The following SEC61A2 variants were observed in gnomAD, a reference collection of about 807,000 sequenced individuals.
The protein encoded by SEC61A2 is protein transport protein Sec61 subunit alpha isoform 2.
A neutral mutation model predicts 59.9 loss-of-function variants in SEC61A2; 28 were observed. That is an observed-to-expected ratio of 0.47 (90% CI 0.35 to 0.64). The LOEUF (loss-of-function observed/expected upper bound fraction) is 0.64, where lower values mean the gene tolerates loss of function less well. Ranked by LOEUF, SEC61A2 falls within the 30% of genes least tolerant of loss-of-function variation. The pLI is 0.01. For synonymous variants in SEC61A2, 202 were observed against 214.4 expected (o/e 0.94, Z 0.50); for missense variants, 340 against 585.9 (o/e 0.58, Z 4.33).
Position 12,164,788 on chromosome 10 carries a change from T to C in SEC61A2, c.*334T>C, listed in dbSNP as rs1834625852. 9.6e-7 allele frequency: 1 copy of C among 1,046,384 alleles called. No homozygotes were observed. Among genetic ancestry groups the C allele is most frequent in the Non-Finnish European group, 1.1e-6 (1 of 869,806 alleles). 64.8% of individuals were successfully genotyped at this position (1,046,384 alleles called of 1,614,324 possible). On this transcript the variant is annotated 3_prime_UTR_variant, in exon 12 of 12. Coordinates refer to ENST00000298428, the MANE Select transcript of SEC61A2 (RefSeq NM_018144.4). The surrounding 1 kb of genome is among the most constrained non-coding windows in gnomAD (Gnocchi z 7.3). The stretch of plus-strand genomic sequence containing the variant: ...ACACAACATTCAAAACACTTCATAT[T>C]GCCCCCACTTGTTGAAAAATAAATG...
In SEC61A2 at chr10:12,164,116, T is replaced by A; in HGVS notation, c.1245-152T>A. 1 of 795,390 alleles carries A rather than the reference T, an allele frequency of 1.3e-6. No homozygotes were observed. 49.3% of individuals were successfully genotyped at this position (795,390 alleles called of 1,614,324 possible). A position where few individuals can be genotyped will look rare whatever the true frequency, so the allele number is the denominator to read the frequency against. On this transcript the variant is annotated intron_variant, in intron 11 of 11. Coordinates refer to ENST00000298428, the MANE Select transcript of SEC61A2 (RefSeq NM_018144.4). This position sits in a 1 kb window ranked among gnomAD's most constrained non-coding sequence, Gnocchi z 7.3. ...GAGCTCCTGTTCCCATGCCGTGCCC[T>A]GCACACCCCTCCACACTGCAGCCTG...
intron 2 of SEC61A2, among the ~76,000 whole-genome samples, chr10:12,134,962 A>G (rs1455731971): frequency 6.6e-6 from 1 of 151,998 alleles, no homozygotes; most frequent in South Asian, 2.1e-4. Flanking sequence ...ATAGTACTTC[A>G]AAAAGGGGCA....
At position 12,162,258 on chromosome 10, in the gene SEC61A2, C is replaced by G. The variant is rs1834549087; in HGVS notation, c.1213C>G (p.Arg405Gly). The change falls in exon 11 of 12, where the codon CGA (arginine) becomes GGA (glycine). Residue 405 changes from arginine to glycine, a missense_variant. By Grantham distance (125) the Arg-to-Gly change is moderately radical (BLOSUM62 -2). Coordinates refer to ENST00000298428, the MANE Select transcript of SEC61A2 (RefSeq NM_018144.4). This position sits in a 1 kb window ranked among gnomAD's most constrained non-coding sequence, Gnocchi z 6.1. ...ACAGCAGATGGTAATGAGGGGCCAC[C>G]GAGATACCTCTATGGTTCATGAGCT... ...KEQQMVMRGHRDTSMVHELNR... is the reference protein window; with the variant it reads ...KEQQMVMRGHGDTSMVHELNR... The G allele has an allele frequency of 1.2e-6, 2 of 1,613,664 alleles. No homozygotes were observed. The highest frequency in any genetic ancestry group is 1.3e-5 in the African/African-American group (1 of 74,854).
chr10:12,164,438 G>A lies in SEC61A2; in HGVS notation c.1415G>A (p.Gly472Asp). The A allele has an allele frequency of 6.2e-7, 1 of 1,610,532 alleles. No homozygotes were observed. The highest frequency in any genetic ancestry group is 8.5e-7 in the Non-Finnish European group (1 of 1,178,596). Residue 472 changes from glycine (G) to aspartate (D), a missense_variant, in exon 12 of 12, where the codon GGT becomes GAT. Physicochemically the swap from Gly to Asp is moderately conservative, Grantham distance 94 (BLOSUM62 -1). This residue lies in a region of SEC61A2 where 283 missense variants were observed against 483.2 expected (regional missense o/e 0.59). Coordinates refer to ENST00000298428, the MANE Select transcript of SEC61A2 (RefSeq NM_018144.4). This position sits in a 1 kb window ranked among gnomAD's most constrained non-coding sequence, Gnocchi z 7.3. ...VKEQAEVGGM[G>D]ALFF ...GAACAGGCCGAAGTTGGTGGGATGG[G>A]TGCTTTGTTTTTCTAAATGTTCAAA... is the stretch of plus-strand genomic sequence containing the variant.
chr10:12,167,450 G>C, downstream of SEC61A2: 1 of 388,592 alleles, frequency 2.6e-6, no homozygotes. Context: ...CTGCTGTTGA[G>C]CTTTAAAAAA....
chr10:12,136,369 A>G (rs1422428063), intron 3 of SEC61A2, among the ~76,000 whole-genome samples, 199 bp downstream of exon 3: 1 of 152,134 alleles, frequency 6.6e-6, no homozygotes, highest in East Asian at 1.9e-4. Flanking sequence ...ATGCAGGGGC[A>G]TGATCTCGGC....
Position 12,140,938 on chromosome 10 carries a change from C to T in SEC61A2, c.142-2179C>T, listed in dbSNP as rs991301510. 1.2e-4 allele frequency among the ~76,000 whole-genome samples: 18 copies of T among 151,730 alleles called. 1 individual carries two copies. Among genetic ancestry groups the T allele is most frequent in the Admixed American group, 8.5e-4 (13 of 15,220 alleles). On this transcript the variant is annotated intron_variant, in intron 3 of 11. Coordinates refer to ENST00000298428, the MANE Select transcript of SEC61A2 (RefSeq NM_018144.4). ...TTTTTGAGATGGAGTCTTGTTTTGT[C>T]GCCCAGGCTGGAGTTCAGTGGCACG...
downstream of SEC61A2, chr10:12,169,115 T>G (rs935783477): frequency 5.4e-6 from 3 of 556,310 alleles, no homozygotes; most frequent in Non-Finnish European, 9.6e-6. The surrounding 1 kb of genome is among the most constrained non-coding windows in gnomAD (Gnocchi z 4.8). Flanking sequence ...CAAATGTTGC[T>G]GGTTGAATAA....
At position 12,149,112 on chromosome 10, in the gene SEC61A2, T is replaced by C. The variant is rs1834218317; in HGVS notation, c.221-483T>C. On this transcript the variant is annotated intron_variant, in intron 4 of 11. Coordinates refer to ENST00000298428, the MANE Select transcript of SEC61A2 (RefSeq NM_018144.4). This position sits in a 1 kb window ranked among gnomAD's most constrained non-coding sequence, Gnocchi z 5.2. ...CTTTTTTTTTGGTTTGTTTTTGAGA[T>C]GGAGTCTCACTCTGTTGCCCGGGCT... Among the ~76,000 whole-genome samples, 1 of 152,080 alleles carries C rather than the reference T, an allele frequency of 6.6e-6. No individual in the cohort carries two copies. Among genetic ancestry groups the C allele is most frequent in the African/African-American group, 2.4e-5 (1 of 41,412 alleles).
rs760092116 is a variant in SEC61A2 at position 12,139,512 on chromosome 10, C to T, written c.141+3342C>T. 5.9e-5 allele frequency among the ~76,000 whole-genome samples: 9 copies of T among 151,790 alleles called. No individual in the cohort carries two copies. The East Asian group carries it at 5.9e-4, about 10-fold the overall frequency. The stretch of plus-strand genomic sequence containing the variant: ...TAAAAGTACAAAATTGAGCTGGGCG[C>T]GGTAGCTCACACCTATAATCCCAGC... On this transcript the variant is annotated intron_variant, in intron 3 of 11. Transcript: ENST00000298428.
At position 12,153,647 on chromosome 10, in the gene SEC61A2, G is replaced by A. The variant is rs543381491; in HGVS notation, c.463-2131G>A. 53 of 1,374,234 alleles carry A rather than the reference G, an allele frequency of 3.9e-5. No individual in the cohort carries two copies. Among genetic ancestry groups the A allele is most frequent in the African/African-American group, 2.3e-4 (16 of 69,486 alleles). 85.1% of individuals were successfully genotyped at this position (1,374,234 alleles called of 1,614,324 possible). A position where few individuals can be genotyped will look rare whatever the true frequency, so the allele number is the denominator to read the frequency against. On this transcript the variant is annotated intron_variant, in intron 6 of 11. Transcript: ENST00000298428. The surrounding 1 kb of genome is among the most constrained non-coding windows in gnomAD (Gnocchi z 5.2). ...CATGAATTCTGATACACAAATATGCGTGTTATGGCTAATTCTTCTAATGTT... is the reference window on the plus strand; with the variant it reads ...CATGAATTCTGATACACAAATATGCATGTTATGGCTAATTCTTCTAATGTT...
rs1834378327 is a variant in SEC61A2 at position 12,155,574 on chromosome 10, A to G, written c.463-204A>G. 6.6e-6 allele frequency among the ~76,000 whole-genome samples: 1 copy of G among 152,238 alleles called. No individual in the cohort carries two copies. Among genetic ancestry groups the G allele is most frequent in the Admixed American group, 6.5e-5 (1 of 15,274 alleles). ...TGAAATGTCTGCTTTATAATACAAC[A>G]GTATTTCCAGTCCTCTTACTGTTCT... On this transcript the variant is annotated intron_variant, in intron 6 of 11. Coordinates refer to ENST00000298428, the MANE Select transcript of SEC61A2 (RefSeq NM_018144.4). The surrounding 1 kb of genome is among the most constrained non-coding windows in gnomAD (Gnocchi z 4.3).
In SEC61A2 at chr10:12,149,822, G is replaced by C. The variant is rs200844462; in HGVS notation, c.353-30G>C. ...TCTTTTCTTGTCTTTGGTGGTAAGCGTGCTCTCCTTTCCCCCCAACTTTCA... is the reference window on the plus strand; with the variant it reads ...TCTTTTCTTGTCTTTGGTGGTAAGCCTGCTCTCCTTTCCCCCCAACTTTCA... On this transcript the variant is annotated intron_variant, in intron 5 of 11. Coordinates refer to ENST00000298428, the MANE Select transcript of SEC61A2 (RefSeq NM_018144.4). This position sits in a 1 kb window ranked among gnomAD's most constrained non-coding sequence, Gnocchi z 5.2. 2 of 1,609,636 alleles carry C rather than the reference G, an allele frequency of 1.2e-6. No homozygotes were observed. Among genetic ancestry groups the C allele is most frequent in the African/African-American group, 2.7e-5 (2 of 74,782 alleles).
At chr10:12,165,868 A>G (rs1404942257), downstream of SEC61A2, 2 of 152,134 alleles carry the variant, frequency 1.3e-5, no homozygotes, top group Admixed American at 1.3e-4. Context: ...AGGGCCTCAG[A>G]CCACTGTTAC....
At chr10:12,130,987 A>C (rs960802575) in intron 1 of SEC61A2, among the ~76,000 whole-genome samples, 1 of 152,202 alleles carries the variant, frequency 6.6e-6, no homozygotes, top group African/African-American at 2.4e-5. Context: ...AGCCTGGCCA[A>C]CATGATGAAA....
intron 1 of SEC61A2, among the ~76,000 whole-genome samples, chr10:12,132,827 A>G (rs1005223897): frequency 1.1e-4 from 17 of 152,168 alleles, no homozygotes; most frequent in African/African-American, 3.9e-4. Context: ...ACGGTAGAGT[A>G]CATTTGCTCC....
At position 12,152,690 on chromosome 10, in the gene SEC61A2, C is replaced by G. The variant is rs1192778652; in HGVS notation, c.462+2729C>G. On this transcript the variant is annotated intron_variant, in intron 6 of 11. Transcript: ENST00000298428. The surrounding 1 kb of genome is among the most constrained non-coding windows in gnomAD (Gnocchi z 5.5). ...CGGGCGGATCACGAGGTCAGGAGAT[C>G]GAGACCATCCTGGCCAACATGGTGA... Among the ~76,000 whole-genome samples the G allele has an allele frequency of 2.6e-5, 4 of 151,606 alleles. No individual in the cohort carries two copies. Among genetic ancestry groups the G allele is most frequent in the African/African-American group, 4.8e-5 (2 of 41,250 alleles).
downstream of SEC61A2, chr10:12,166,830 G>A: frequency 2.2e-6 from 1 of 457,228 alleles, no homozygotes; most frequent in South Asian, 1.6e-5. Context: ...AGATGACAGG[G>A]TTTCAGGCAT....
In SEC61A2 at chr10:12,131,206, C is replaced by T. The variant is rs951020514; in HGVS notation, c.7+1412C>T. 2.0e-5 allele frequency among the ~76,000 whole-genome samples: 3 copies of T among 152,154 alleles called. No homozygotes were observed. The East Asian group carries it at 5.8e-4, about 29-fold the overall frequency. ...CAAACATATATCGGTGACTGCCCATCATTTGTAGAGGCTTTTTTAAAAAAG... is the reference window on the plus strand; with the variant it reads ...CAAACATATATCGGTGACTGCCCATTATTTGTAGAGGCTTTTTTAAAAAAG... On this transcript the variant is annotated intron_variant, in intron 1 of 11. Coordinates refer to ENST00000298428, the MANE Select transcript of SEC61A2 (RefSeq NM_018144.4).
Sources: allele counts gnomAD v4.1 joint callset (sites outside exome capture counted in the v4.1 genomes callset), GRCh38; gene constraint gnomAD v4.1.1; regional missense constraint gnomAD v4.1.1; non-coding constraint Gnocchi (gnomAD v3.1); transcripts MANE v1.5; gene names NCBI Gene and HGNC (gene_info 2026-07-23, HGNC 2026-07-21).